Variants in CAMTA1 observed in about 807,000 individuals in gnomAD.
CAMTA1 encodes the protein calmodulin-binding transcription activator 1.
A neutral mutation model predicts 170.9 loss-of-function variants in CAMTA1; 27 were observed. That is an observed-to-expected ratio of 0.16 (90% CI 0.12 to 0.22). The LOEUF is 0.22. CAMTA1 is among the 10% of genes least tolerant of loss of function. The pLI is 1.00. For synonymous variants in CAMTA1, 833 were observed against 891.5 expected, an observed-to-expected ratio of 0.93 and a Z score of 1.17; for missense variants, 1,619 against 2,217.2, an observed-to-expected ratio of 0.73 and a Z score of 5.42.
intron 5 of CAMTA1, among the ~76,000 whole-genome samples, chr1:7,419,244 C>T (rs2091402070): frequency 1.3e-5 from 2 of 152,222 alleles, no homozygotes; most frequent in South Asian, 4.1e-4. Flanking sequence ...CAACCTCCAC[C>T]TCCTGGGTTT....
At chr1:7,632,996 G>A (rs538883268) in intron 6 of CAMTA1, among the ~76,000 whole-genome samples, 2 of 152,346 alleles carry the variant, frequency 1.3e-5, no homozygotes, top group East Asian at 1.9e-4. Context: ...GGCCAGGCCC[G>A]TCCTGAGCCC....
chr1:6,942,800 C>T (rs1686869014), intron 3 of CAMTA1, among the ~76,000 whole-genome samples: 2 of 152,230 alleles, frequency 1.3e-5, no homozygotes, highest in Admixed American at 1.3e-4. Context: ...GCCCTGTACC[C>T]CTGTGAGGCC....
chr1:7,007,004 TAAAAA>T lies in CAMTA1; in HGVS notation c.235-84286_235-84282del, dbSNP rs749633945. Among the ~76,000 whole-genome samples the T allele has an allele frequency of 7.3e-6, 1 of 136,864 alleles. No homozygotes were observed. 89.8% of individuals were successfully genotyped at this position (136,864 alleles called of 152,430 possible). On this transcript the variant is annotated intron_variant, in intron 3 of 22. Transcript: ENST00000303635. This position sits in a 1 kb window ranked among gnomAD's most constrained non-coding sequence, Gnocchi z 4.5. ...TCTTAACAAGAATGTCAGATGGTAG[TAAAAA>T]AAAAAAAAAAAAATAAGAATTTTTG...
intron 1 of CAMTA1, among the ~76,000 whole-genome samples, chr1:6,811,185 C>T (rs1645122171): frequency 1.3e-5 from 2 of 152,034 alleles, no homozygotes; most frequent in South Asian, 4.2e-4. Flanking sequence ...AGGTATCTGC[C>T]CTCTTGCCTT....
At chr1:7,639,589 A>G (rs1327159358) in intron 6 of CAMTA1, among the ~76,000 whole-genome samples, 1 of 152,126 alleles carries the variant, frequency 6.6e-6, no homozygotes, top group Non-Finnish European at 1.5e-5. Context: ...CCTGGCCAAT[A>G]TAGTGAGACC....
rs148325360 is a variant in CAMTA1, at chr1:7,404,505, G to T, written c.439-63325G>T. Among the ~76,000 whole-genome samples, 7 of 152,366 alleles carry T rather than the reference G, an allele frequency of 4.6e-5. No homozygotes were observed. The East Asian group carries it at 1.2e-3, about 25-fold the overall frequency. On this transcript the variant is annotated intron_variant, in intron 5 of 22. Transcript: ENST00000303635. ...CCCGAGGAGAGTGGCCTGTTGCCAC[G>T]CACAGAGCTGATGGGAAATGTGAGC...
intron 1 of CAMTA1, among the ~76,000 whole-genome samples, chr1:6,796,631 A>T (rs1055961622): frequency 6.6e-6 from 1 of 152,022 alleles, no homozygotes; most frequent in South Asian, 2.1e-4. Flanking sequence ...TTATTTTAAG[A>T]TATTATTATT....
At chr1:7,354,357 G>C (rs2084935648) in intron 5 of CAMTA1, among the ~76,000 whole-genome samples, 1 of 151,660 alleles carries the variant, frequency 6.6e-6, no homozygotes, top group South Asian at 2.1e-4. Context: ...CACCGTGTTA[G>C]CCAGGATGGT....
At chr1:6,987,380 G>A (rs918513993) in intron 3 of CAMTA1, among the ~76,000 whole-genome samples, 5 of 152,188 alleles carry the variant, frequency 3.3e-5, no homozygotes, top group African/African-American at 1.2e-4. Context: ...GGCCAGGCTG[G>A]TCTCGAACTC....
chr1:7,149,748 C>T (rs900626710), intron 4 of CAMTA1, among the ~76,000 whole-genome samples: 10 of 152,228 alleles, frequency 6.6e-5, no homozygotes, highest in African/African-American at 2.2e-4. Context: ...CCCGGAATAA[C>T]TCCGGCCTGG....
rs896287163 is a variant in CAMTA1, at chr1:7,680,870, G to A, written c.2914+3137G>A. ...CGCGCGCGCGCGCGCGCCAGCAGCAGCAGCAGCAGCAGCTGCTGCGGCGAA... is the reference window on the plus strand; with the variant it reads ...CGCGCGCGCGCGCGCGCCAGCAGCAACAGCAGCAGCAGCTGCTGCGGCGAA... On this transcript the variant is annotated intron_variant, in intron 11 of 22. Transcript: ENST00000303635. The surrounding 1 kb of genome is among the most constrained non-coding windows in gnomAD (Gnocchi z 4.4). Among the ~76,000 whole-genome samples the A allele has an allele frequency of 6.1e-5, 9 of 147,692 alleles. No individual in the cohort carries two copies. The highest frequency in any genetic ancestry group is 2.2e-4 in the African/African-American group (9 of 40,116).
chr1:7,452,818 G>T (rs1430774326), intron 5 of CAMTA1, among the ~76,000 whole-genome samples: 1 of 152,212 alleles, frequency 6.6e-6, no homozygotes, highest in Non-Finnish European at 1.5e-5. Context: ...TGCCACTGTA[G>T]ATATGTGTGT....
chr1:6,786,864 G>A (rs1639546864), intron 1 of CAMTA1, among the ~76,000 whole-genome samples: 1 of 152,210 alleles, frequency 6.6e-6, no homozygotes, highest in Admixed American at 6.5e-5. Flanking sequence ...GGCCACACTA[G>A]TTGCTCCTGT....
intron 6 of CAMTA1, among the ~76,000 whole-genome samples, chr1:7,559,178 C>G (rs1576048397): frequency 6.6e-6 from 1 of 152,200 alleles, no homozygotes; most frequent in Non-Finnish European, 1.5e-5. Context: ...CGCCACCCGC[C>G]AAGAGGGGCC....
At chr1:7,134,521 T>A (rs1645438024) in intron 4 of CAMTA1, among the ~76,000 whole-genome samples, 1 of 152,102 alleles carries the variant, frequency 6.6e-6, no homozygotes, top group African/African-American at 2.4e-5. Flanking sequence ...TTGTCCAGGC[T>A]GATTACAAAC....
intron 4 of CAMTA1, among the ~76,000 whole-genome samples, chr1:7,208,531 T>A (rs546931339): frequency 6.6e-6 from 1 of 152,320 alleles, no homozygotes; most frequent in East Asian, 1.9e-4. Context: ...TTGAAAACCA[T>A]GTGATTCTGT....
intron 4 of CAMTA1, among the ~76,000 whole-genome samples, chr1:7,244,909 AATAC>A (rs1355298879): frequency 3.3e-5 from 5 of 151,946 alleles, no homozygotes; most frequent in African/African-American, 1.2e-4. Flanking sequence ...AATAAAAATA[AATAC>A]ATAAATAAAT....
At chr1:7,621,664 C>T (rs1247690318) in intron 6 of CAMTA1, among the ~76,000 whole-genome samples, 2 of 152,296 alleles carry the variant, frequency 1.3e-5, no homozygotes, top group East Asian at 3.9e-4. Flanking sequence ...ACTTAAATCG[C>T]AAGGAAAGTT....
At chr1:7,623,966 C>T (rs777827771) in intron 6 of CAMTA1, among the ~76,000 whole-genome samples, 2 of 152,226 alleles carry the variant, frequency 1.3e-5, no homozygotes, top group South Asian at 2.1e-4. Flanking sequence ...ACTCTATCCT[C>T]GACGCAAAAT....
Sources: gnomAD v4.1 joint callset for allele counts (sites outside exome capture counted in the v4.1 genomes callset) on GRCh38, gnomAD v4.1.1 for gene constraint, Gnocchi (gnomAD v3.1) non-coding constraint, MANE v1.5 for transcripts, NCBI Gene and HGNC (gene_info 2026-07-23, HGNC 2026-07-21) for gene names.